Variants in CWF19L2 observed in about 807,000 individuals in gnomAD.
The protein encoded by CWF19L2 is CWF19-like protein 2.
CWF19L2 carries 98 observed loss-of-function variants against 111.7 expected under a neutral mutation model. That is an observed-to-expected ratio of 0.88 (90% CI 0.75 to 1.04). The LOEUF (loss-of-function observed/expected upper bound fraction) is 1.04. Among genes scored for constraint, CWF19L2 ranks in the 50% least tolerant of loss-of-function variants. CWF19L2 has a pLI of 0.00. For missense variants in CWF19L2, 1,101 were observed against 1,051.4 expected, an observed-to-expected ratio of 1.05 and a Z score of -0.65; for synonymous variants, 351 against 342.9, an observed-to-expected ratio of 1.02 and a Z score of -0.26.
chr11:107,347,339 T>C (rs1860094602), intron 14 of CWF19L2, among the ~76,000 whole-genome samples: 1 of 152,224 alleles, frequency 6.6e-6, no homozygotes, highest in East Asian at 1.9e-4. Flanking sequence ...GTCAAATCTT[T>C]TTTTAATATA....
chr11:107,350,063 G>C (rs1860135285), intron 13 of CWF19L2, among the ~76,000 whole-genome samples: 1 of 151,738 alleles, frequency 6.6e-6, no homozygotes, highest in South Asian at 2.1e-4. Flanking sequence ...CCCTAAAATT[G>C]GTATCAAAAG....
At chr11:107,341,903 T>C (rs1022317942) in intron 14 of CWF19L2, among the ~76,000 whole-genome samples, 2 of 152,186 alleles carry the variant, frequency 1.3e-5, no homozygotes, top group African/African-American at 4.8e-5. Context: ...GCAAAATCTG[T>C]ACTAATACTG....
intron 16 of CWF19L2, 25 bp downstream of exon 16, chr11:107,334,856 T>G (rs759104268): frequency 1.3e-5 from 18 of 1,414,178 alleles, no homozygotes; most frequent in Admixed American, 1.7e-5. Context: ...GGGTAATTTC[T>G]TTTACCAGGA....
intron 12 of CWF19L2, among the ~76,000 whole-genome samples, chr11:107,388,940 C>T (rs563019897): frequency 6.6e-6 from 1 of 152,198 alleles, no homozygotes; most frequent in South Asian, 2.1e-4. Flanking sequence ...TCTCATGAAA[C>T]TCTTGCTGAT....
rs542828710 is a variant in CWF19L2, at chr11:107,411,082, C to T, written c.1617+5127G>A. Among the ~76,000 whole-genome samples, 7 of 76,344 alleles carry T rather than the reference C, an allele frequency of 9.2e-5. No homozygotes were observed. The South Asian group carries it at 1.6e-3, about 18-fold the overall frequency. The allele number at this position is 76,344 out of a possible 152,430, so 50.1% of individuals were successfully genotyped here. ...TAAGAGTGTGGTGTGTGTGTGCGCG[C>T]GTGCGTGCACACACACACACACACA... On this transcript the variant is annotated intron_variant, in intron 10 of 17. Coordinates refer to ENST00000282251, the MANE Select transcript of CWF19L2 (RefSeq NM_152434.3).
chr11:107,443,277 A>G (rs1331690434), intron 3 of CWF19L2, among the ~76,000 whole-genome samples: 4 of 152,010 alleles, frequency 2.6e-5, no homozygotes, highest in African/African-American at 9.7e-5. Context: ...GGTCAGGAGT[A>G]CAAGACCAGC....
chr11:107,426,794 AC>A (rs2135406670), intron 8 of CWF19L2, among the ~76,000 whole-genome samples: 1 of 151,664 alleles, frequency 6.6e-6, no homozygotes, highest in East Asian at 1.9e-4. Context: ...AAAATTTTAT[AC>A]ATTAAGTTAA....
chr11:107,335,941 G>T (rs756098966), intron 15 of CWF19L2, among the ~76,000 whole-genome samples: 20 of 152,208 alleles, frequency 1.3e-4, no homozygotes, highest in Non-Finnish European at 2.5e-4. Flanking sequence ...TTTAGTGTAG[G>T]CCAGGTGCAG....
intron 14 of CWF19L2, among the ~76,000 whole-genome samples, chr11:107,345,941 T>TA (rs539986809): frequency 4.4e-4 from 67 of 152,204 alleles, no homozygotes; most frequent in African/African-American, 1.5e-3. Flanking sequence ...ATATTCCTAG[T>TA]AAAAAAACAC....
At chr11:107,340,450 C>T (rs1199527605) in intron 14 of CWF19L2, among the ~76,000 whole-genome samples, 1 of 152,126 alleles carries the variant, frequency 6.6e-6, no homozygotes, top group Non-Finnish European at 1.5e-5. Flanking sequence ...TGCTTTTGCA[C>T]CTTTGTCAAA....
At chr11:107,358,598 T>TA (rs2134552356) in intron 12 of CWF19L2, among the ~76,000 whole-genome samples, 1 of 152,316 alleles carries the variant, frequency 6.6e-6, no homozygotes, top group African/African-American at 2.4e-5. Context: ...GTCAGTCATT[T>TA]AAAAAAACAC....
chr11:107,446,853 A>G (rs1861708477), intron 3 of CWF19L2, among the ~76,000 whole-genome samples: 1 of 152,172 alleles, frequency 6.6e-6, no homozygotes, highest in African/African-American at 2.4e-5. Context: ...TCCCCATGCT[A>G]CGACTTCAGT....
intron 8 of CWF19L2, among the ~76,000 whole-genome samples, chr11:107,421,792 T>C (rs1336430731): frequency 6.6e-6 from 1 of 152,138 alleles, no homozygotes; most frequent in Non-Finnish European, 1.5e-5. Context: ...TGGAAAACAG[T>C]TTAGCAGTTT....
intron 8 of CWF19L2, among the ~76,000 whole-genome samples, chr11:107,427,850 C>G (rs1275181980): frequency 1.3e-5 from 2 of 151,944 alleles, no homozygotes; most frequent in Non-Finnish European, 2.9e-5. Flanking sequence ...GGCTTAATCA[C>G]TCAGTTCAGA....
intron 10 of CWF19L2, among the ~76,000 whole-genome samples, chr11:107,413,043 G>T (rs1201029758): frequency 1.3e-5 from 2 of 152,176 alleles, no homozygotes; most frequent in Non-Finnish European, 2.9e-5. Flanking sequence ...ATACTACAAT[G>T]GTGGATACAT....
At chr11:107,399,598 G>C (rs116559784) in intron 10 of CWF19L2, among the ~76,000 whole-genome samples, 2,000 of 152,198 alleles carry the variant, frequency 0.013, 39 homozygotes, top group African/African-American at 0.045. Flanking sequence ...AAATTAGATA[G>C]ACAGCAAAAA....
intron 16 of CWF19L2, among the ~76,000 whole-genome samples, chr11:107,332,991 T>G (rs1416193452): frequency 2.6e-5 from 4 of 151,354 alleles, no homozygotes; most frequent in African/African-American, 9.7e-5. Context: ...GGTGGTGCGC[T>G]CCTGTATTCC....
intron 3 of CWF19L2, among the ~76,000 whole-genome samples, chr11:107,451,966 G>A (rs1210571262): frequency 6.6e-6 from 1 of 152,136 alleles, no homozygotes; most frequent in Non-Finnish European, 1.5e-5. Flanking sequence ...TCCCACAGCA[G>A]ACATCATGCT....
At chr11:107,395,769 T>G (rs1287478816) in intron 10 of CWF19L2, among the ~76,000 whole-genome samples, 1 of 152,228 alleles carries the variant, frequency 6.6e-6, no homozygotes, top group Non-Finnish European at 1.5e-5. Flanking sequence ...CAATGCTCTG[T>G]TCCCAATAAT....
Sources: allele counts gnomAD v4.1 joint callset (sites outside exome capture counted in the v4.1 genomes callset), GRCh38; gene constraint gnomAD v4.1.1; transcripts MANE v1.5; gene names NCBI Gene and HGNC (gene_info 2026-07-23, HGNC 2026-07-21).